The following DHX30 variants were observed in gnomAD, a reference collection of about 807,000 sequenced individuals.
The protein encoded by DHX30 is DExH-box helicase 30, also known as ATP-dependent RNA helicase DHX30.
A neutral mutation model predicts 116.9 loss-of-function variants in DHX30; 4 were observed. The ratio of observed to expected loss-of-function variants is 0.03; its 90% CI spans 0.02 to 0.08. The LOEUF is 0.08. Among genes scored for constraint, DHX30 ranks in the 10% least tolerant of loss-of-function variants. DHX30 has a pLI of 1.00. For missense variants in DHX30, 871 were observed against 1,595.1 expected, an observed-to-expected ratio of 0.55 and a Z score of 7.73; for synonymous variants, 697 against 651.7, an observed-to-expected ratio of 1.07 and a Z score of -1.06.
At chr3:47,816,533 T>G in intron 3 of DHX30, 4 of 934,676 alleles carry the variant, frequency 4.3e-6, no homozygotes, top group Non-Finnish European at 5.1e-6. Context: ...AATTTTTGTA[T>G]TTTTAGTAGA....
intron 6 of DHX30, among the ~76,000 whole-genome samples, chr3:47,829,485 A>G: frequency 6.6e-6 from 1 of 151,366 alleles, no homozygotes; most frequent in South Asian, 2.1e-4. Flanking sequence ...CTGGGATTGC[A>G]GGTGCCCACC....
intron 2 of DHX30, among the ~76,000 whole-genome samples, chr3:47,808,243 G>T (rs1246334761): frequency 6.7e-6 from 1 of 150,332 alleles, no homozygotes; most frequent in African/African-American, 2.4e-5. Flanking sequence ...GAGAGACAGG[G>T]TCTTGCTTTG....
chr3:47,829,302 ATATATATATATAT>A (rs1392048453), intron 6 of DHX30, among the ~76,000 whole-genome samples, 168 bp downstream of exon 6: 6 of 35,144 alleles, frequency 1.7e-4, no homozygotes, highest in South Asian at 1.2e-3. Context: ...ATATATATAT[ATATATATATATAT>A]TTTTTTTTTT....
Position 47,840,907 on chromosome 3 carries a change from T to C in DHX30, c.397T>C (p.Leu133=). 6.2e-7 allele frequency: 1 copy of C among 1,614,028 alleles called. No homozygotes were observed. The highest frequency in any genetic ancestry group is 8.5e-7 in the Non-Finnish European group (1 of 1,180,010). ...GWGLLGPRNE[L]FDAAKYRVLA... ...GGGTCTGCTAGGTCCCCGGAATGAG[T>C]TGTTTGACGCAGCCAAATACCGAGT... Residue 133 remains leucine (L), a synonymous_variant, in exon 7 of 22, where the codon TTG becomes CTG. Coordinates refer to ENST00000445061, the MANE Select transcript of DHX30 (RefSeq NM_138615.3).
chr3:47,814,103 T>G (rs1403612945), intron 3 of DHX30, among the ~76,000 whole-genome samples: 2 of 151,570 alleles, frequency 1.3e-5, no homozygotes, highest in Non-Finnish European at 2.9e-5. Context: ...AGTACTGATT[T>G]TGTAAAGAGA....
Position 47,842,051 on chromosome 3 carries a change from G to C in DHX30, c.789+314G>C, listed in dbSNP as rs374528587. The C allele has an allele frequency of 1.0e-4, 30 of 301,044 alleles. No homozygotes were observed. In the South Asian group the frequency reaches 1.9e-3, roughly 19 times the overall value. 18.6% of individuals were successfully genotyped at this position (301,044 alleles called of 1,614,324 possible). ...GTATGAATTTCTCTCTTGCTGCCAG[G>C]CGAAGGGGCTTTGGTCATGAAATGC... On this transcript the variant is annotated intron_variant, in intron 8 of 21. Coordinates refer to ENST00000445061, the MANE Select transcript of DHX30 (RefSeq NM_138615.3).
intron 2 of DHX30, 68 bp downstream of exon 2, chr3:47,805,488 G>T (rs1017055758): frequency 5.0e-6 from 2 of 398,492 alleles, no homozygotes; most frequent in Non-Finnish European, 8.9e-6. Context: ...AAAACAAGAG[G>T]TATGTGTTAA....
chr3:47,833,714 C>T (rs991565631), intron 6 of DHX30, among the ~76,000 whole-genome samples: 6 of 138,552 alleles, frequency 4.3e-5, no homozygotes, highest in Non-Finnish European at 6.3e-5. Flanking sequence ...AAAAATTAGC[C>T]GGGCATAGTG....
In DHX30 at chr3:47,845,716, A is replaced by G; in HGVS notation, c.956A>G (p.Asp319Gly). Reference protein sequence around the residue: ...CKKLKSLGLVDRNNEPLTHAM... With the variant: ...CKKLKSLGLVGRNNEPLTHAM... ...CCCCTGCAGAGCCTGGGCCTGGTGG[A>G]CAGGAACAACGAACCGCTTACACAC... The change falls in exon 10 of 22, where the codon GAC (aspartate) becomes GGC (glycine). Residue 319 changes from aspartate to glycine, a missense_variant. By Grantham distance (94) the Asp-to-Gly change is moderately conservative (BLOSUM62 -1). Around this residue, in one of 13 missense-constraint regions of DHX30, gnomAD observed 175 missense variants for 292.9 expected, o/e 0.60. Coordinates refer to ENST00000445061, the MANE Select transcript of DHX30 (RefSeq NM_138615.3). The G allele has an allele frequency of 6.2e-7, 1 of 1,602,160 alleles. No individual in the cohort carries two copies. Among genetic ancestry groups the G allele is most frequent in the Non-Finnish European group, 8.5e-7 (1 of 1,170,462 alleles).
At chr3:47,840,780 C>G in intron 6 of DHX30, 97 bp from the exon 7 acceptor site, 1 of 1,496,142 alleles carries the variant, frequency 6.7e-7, no homozygotes, top group East Asian at 2.3e-5. Flanking sequence ...AAAACCACGG[C>G]TGCACAACAC....
rs375841499 is a variant in DHX30 at position 47,839,769 on chromosome 3, A to G, written c.367-1108A>G. Among the ~76,000 whole-genome samples the G allele has an allele frequency of 6.6e-5, 10 of 152,004 alleles. No homozygotes were observed. In the East Asian group the frequency reaches 1.7e-3, roughly 26 times the overall value. ...CAGCTCACTGCAACCACTGCCTCCCAGGTTCAAGCGATTCTCCTGTCTCAG... is the reference window on the plus strand; with the variant it reads ...CAGCTCACTGCAACCACTGCCTCCCGGGTTCAAGCGATTCTCCTGTCTCAG... On this transcript the variant is annotated intron_variant, in intron 6 of 21. Transcript: ENST00000445061.
At chr3:47,807,722 A>T (rs1177645955) in intron 2 of DHX30, among the ~76,000 whole-genome samples, 1 of 150,838 alleles carries the variant, frequency 6.6e-6, no homozygotes, top group Non-Finnish European at 1.5e-5. Flanking sequence ...AAAAAAAAAA[A>T]AAAAAGCAAA....
chr3:47,823,092 CA>C (rs548519483), intron 4 of DHX30, among the ~76,000 whole-genome samples: 568 of 53,112 alleles, frequency 0.011, 2 homozygotes, highest in African/African-American at 0.031. Context: ...GACTCCATCT[CA>C]AAAAAAAAAA....
intron 4 of DHX30, among the ~76,000 whole-genome samples, chr3:47,823,449 C>T (rs556264722): frequency 1.1e-4 from 16 of 151,686 alleles, no homozygotes; most frequent in East Asian, 5.9e-4. Context: ...CTGCAACCTC[C>T]GCCTCCCGGG....
Position 47,849,283 on chromosome 3 carries a change from G to A in DHX30, c.3021G>A (p.Glu1007=), listed in dbSNP as rs774481474. 81 of 1,614,034 alleles carry A rather than the reference G, an allele frequency of 5.0e-5. 1 individual carries two copies. In the South Asian group the frequency reaches 8.9e-4, roughly 18 times the overall value. The stretch of plus-strand genomic sequence containing the variant: ...CCCTGGCCTCCGCCCAGTGCAACGA[G>A]TACAGTGAGGAGGAGGAGCTGGTGA... The part of the protein sequence containing the change: ...DCTLASAQCN[E]YSEEEELVKG... The change falls in exon 19 of 22, where the codon GAG becomes GAA. Residue 1007 remains glutamate (E), a synonymous_variant. Transcript: ENST00000445061.
chr3:47,826,237 C>G (rs3772399), intron 4 of DHX30: 91,590 of 151,912 alleles, frequency 0.6, 28,977 homozygotes, highest in East Asian at 0.72. Flanking sequence ...TCCTAGCAGA[C>G]CTCTTCATGA....
At chr3:47,836,235 T>G (rs1013738156) in intron 6 of DHX30, among the ~76,000 whole-genome samples, 2 of 152,022 alleles carry the variant, frequency 1.3e-5, no homozygotes, top group Non-Finnish European at 2.9e-5. Flanking sequence ...ATTTAAGTGA[T>G]TCTCCTGCCT....
At chr3:47,843,737 G>C (rs2037478150) in intron 9 of DHX30, among the ~76,000 whole-genome samples, 1 of 152,080 alleles carries the variant, frequency 6.6e-6, no homozygotes, top group Admixed American at 6.6e-5. Flanking sequence ...GGGTCTCTGT[G>C]GCCCAGGCTG....
Position 47,846,417 on chromosome 3 carries a change from C to G in DHX30, c.1345C>G (p.Gln449Glu). ...HRDTILNAIE[Q>E]HPVVVISGDT... ...GGACACCATCCTCAACGCCATTGAG[C>G]AGCACCCGGTGGTGGTCATCTCTGG... is the stretch of plus-strand genomic sequence containing the variant. Residue 449 changes from glutamine to glutamate, a missense_variant, in exon 11 of 22, where the codon CAG becomes GAG. By Grantham distance (29) the Gln-to-Glu change is conservative (BLOSUM62 2). Around this residue, in one of 13 missense-constraint regions of DHX30, gnomAD observed 175 missense variants for 292.9 expected, o/e 0.60. Coordinates refer to ENST00000445061, the MANE Select transcript of DHX30 (RefSeq NM_138615.3). 6.2e-7 allele frequency: 1 copy of G among 1,614,142 alleles called. No homozygotes were observed. Among genetic ancestry groups the G allele is most frequent in the Non-Finnish European group, 8.5e-7 (1 of 1,180,038 alleles).
Sources: gnomAD v4.1 joint callset for allele counts (sites outside exome capture counted in the v4.1 genomes callset) on GRCh38, gnomAD v4.1.1 for gene constraint, gnomAD v4.1.1 regional missense constraint, MANE v1.5 for transcripts, NCBI Gene and HGNC (gene_info 2026-07-23, HGNC 2026-07-21) for gene names.